MIER1: variants seen among roughly 807,000 people sequenced by gnomAD.
MIER1 encodes the protein mesoderm induction early response protein 1.
In MIER1, 40 loss-of-function variants were observed where a neutral mutation model predicts 75.7. The ratio of observed to expected loss-of-function variants is 0.53; its 90% CI spans 0.41 to 0.69. The LOEUF is 0.69. MIER1 is among the 30% of genes least tolerant of loss of function. The probability of loss-of-function intolerance (pLI) is 0.00; values close to 1 mark genes in which losing one functional copy is unlikely to be tolerated. For synonymous variants in MIER1, 213 were observed against 223.4 expected (o/e 0.95, Z 0.42); for missense variants, 574 against 680.2 (o/e 0.84, Z 1.74).
chr1:66,981,909 A>C lies in MIER1; in HGVS notation c.1360A>C (p.Asn454His). 1 of 1,613,748 alleles carries C rather than the reference A, an allele frequency of 6.2e-7. No homozygotes were observed. The highest frequency in any genetic ancestry group is 8.5e-7 in the Non-Finnish European group (1 of 1,179,782). Residue 454 changes from asparagine (N) to histidine (H), a missense_variant, in exon 13 of 14, where the codon AAT (asparagine) becomes CAT (histidine). Coordinates refer to ENST00000401041, the MANE Select transcript of MIER1 (RefSeq NM_001077700.3). ...EKEDGTVSTA[N>H]QNGVSSNGPG... is the part of the protein sequence containing the mutation. ...AGAAGATGGCACTGTAAGCACTGCT[A>C]ATCAAAATGGTAAGCAACCAGAGAA...
At position 66,986,221 on chromosome 1, in the gene MIER1, T is replaced by C. The variant is rs1666762291; in HGVS notation, c.*1321T>C. 1 of 1,267,614 alleles carries C rather than the reference T, an allele frequency of 7.9e-7. No homozygotes were observed. The highest frequency in any genetic ancestry group is 3.1e-5 in the East Asian group (1 of 32,542). The allele number at this position is 1,267,614 out of a possible 1,614,324, so 78.5% of individuals were successfully genotyped here. On this transcript the variant is annotated 3_prime_UTR_variant, in exon 14 of 14. Coordinates refer to ENST00000401041, the MANE Select transcript of MIER1 (RefSeq NM_001077700.3). ...ATGCTTTTCCAAAGTGAAAATAAGA[T>C]ACACAATAATCATTGCTCTGTGTGA...
intron 2 of MIER1, among the ~76,000 whole-genome samples, chr1:66,937,237 C>A (rs924100110): frequency 6.6e-6 from 1 of 151,996 alleles, no homozygotes; most frequent in Non-Finnish European, 1.5e-5. Flanking sequence ...GTGGGCAGGG[C>A]AGGTATTATT....
chr1:66,926,531 G>A (rs530810935), intron 2 of MIER1, among the ~76,000 whole-genome samples: 4 of 152,212 alleles, frequency 2.6e-5, no homozygotes, highest in Admixed American at 1.3e-4. Flanking sequence ...TTTTAGAGTG[G>A]CATTAATAAC....
At position 66,988,156 on chromosome 1, in the gene MIER1, C is replaced by T. The variant is rs1209854730; in HGVS notation, c.*3256C>T. The T allele has an allele frequency of 1.3e-5, 2 of 152,068 alleles. No individual in the cohort carries two copies. The highest frequency in any genetic ancestry group is 2.4e-5 in the African/African-American group (1 of 41,334). 9.4% of individuals were successfully genotyped at this position (152,068 alleles called of 1,614,324 possible). ...ACCAAATCAGATAGTAAGGTTTTCC[C>T]AACTATAATCCATATTCATGAAAAA... On this transcript the variant is annotated 3_prime_UTR_variant, in exon 14 of 14. Transcript: ENST00000401041.
intron 12 of MIER1, among the ~76,000 whole-genome samples, chr1:66,981,127 A>G (rs993601080): frequency 2.0e-5 from 3 of 152,222 alleles, no homozygotes; most frequent in Non-Finnish European, 4.4e-5. Flanking sequence ...GTGATACACT[A>G]AACCTGAGAG....
intron 12 of MIER1, among the ~76,000 whole-genome samples, chr1:66,978,958 G>T (rs1426931401): frequency 1.3e-5 from 2 of 152,084 alleles, no homozygotes; most frequent in African/African-American, 4.8e-5. Context: ...TATTCTTTAG[G>T]TAGAGTGGCC....
chr1:66,936,641 GTC>G (rs1654913283), intron 2 of MIER1, among the ~76,000 whole-genome samples: 1 of 152,042 alleles, frequency 6.6e-6, no homozygotes, highest in Non-Finnish European at 1.5e-5. Context: ...AGACTGATAA[GTC>G]TGACATGACA....
At chr1:66,927,757 C>CA (rs1652175500) in intron 2 of MIER1, among the ~76,000 whole-genome samples, 1 of 152,026 alleles carries the variant, frequency 6.6e-6, no homozygotes, top group African/African-American at 2.4e-5. Context: ...TATAGTGAGT[C>CA]ACTGGAGGGG....
intron 12 of MIER1, 74 bp downstream of exon 12, chr1:66,976,796 A>C (rs1664810362): frequency 7.9e-7 from 1 of 1,263,416 alleles, no homozygotes; most frequent in African/African-American, 1.5e-5. Context: ...TGAGTTAATT[A>C]TTATTTTGAT....
At chr1:66,970,755 C>G (rs1303668367) in intron 8 of MIER1, 53 bp from the exon 9 acceptor site, 1 of 1,352,962 alleles carries the variant, frequency 7.4e-7, no homozygotes, top group Non-Finnish European at 1.0e-6. Flanking sequence ...TGTTTTAACA[C>G]AAACTCTATC....
At chr1:66,925,360 C>G (rs1392465433) in intron 1 of MIER1, 19 of 985,434 alleles carry the variant, frequency 1.9e-5, no homozygotes, top group Non-Finnish European at 2.2e-5. Flanking sequence ...GTGGTGGCGC[C>G]GCGCTGGGAA....
rs1296080382 is a variant in MIER1 at position 66,985,635 on chromosome 1, G to A, written c.*735G>A. The A allele has an allele frequency of 4.1e-5, 40 of 984,582 alleles. No homozygotes were observed. Among genetic ancestry groups the A allele is most frequent in the Non-Finnish European group, 4.8e-5 (40 of 829,340 alleles). 61.0% of individuals were successfully genotyped at this position (984,582 alleles called of 1,614,324 possible). On this transcript the variant is annotated 3_prime_UTR_variant, in exon 14 of 14. Coordinates refer to ENST00000401041, the MANE Select transcript of MIER1 (RefSeq NM_001077700.3). ...AGCTGTCCTTTCTTAATACAAAAGC[G>A]TGTATAATTTTCTTAACTTGTACAG...
intron 1 of MIER1, chr1:66,925,405 C>G (rs1651361290): frequency 1.0e-6 from 1 of 985,374 alleles, no homozygotes; most frequent in Admixed American, 6.1e-5. Flanking sequence ...GCCCCGTTCG[C>G]TTCGGTCCCT....
intron 8 of MIER1, among the ~76,000 whole-genome samples, chr1:66,967,427 G>T (rs917362083): frequency 6.6e-6 from 1 of 152,174 alleles, no homozygotes; most frequent in African/African-American, 2.4e-5. Flanking sequence ...GTTAGGTAAT[G>T]TGATTCCTCC....
rs747364810 is a variant in MIER1 at position 66,963,174 on chromosome 1, A to G, written c.772+14A>G. The G allele has an allele frequency of 4.0e-6, 6 of 1,507,560 alleles. No homozygotes were observed. In the Admixed American group the frequency reaches 8.4e-5, roughly 21 times the overall value. The allele number at this position is 1,507,560 out of a possible 1,614,324, so 93.4% of individuals were successfully genotyped here. A position where few individuals can be genotyped will look rare whatever the true frequency, so the allele number is the denominator to read the frequency against. ...AAAATGAAAAAGGTGGGTTATTAGT[A>G]AAGTTACGTAGCTGAATTTATGCTT... On this transcript the variant is annotated intron_variant, in intron 8 of 13. Coordinates refer to ENST00000401041, the MANE Select transcript of MIER1 (RefSeq NM_001077700.3).
Position 66,972,961 on chromosome 1 carries a change from A to G in MIER1, c.1071A>G (p.Gly357=). The G allele has an allele frequency of 6.2e-7, 1 of 1,607,446 alleles. No individual in the cohort carries two copies. The highest frequency in any genetic ancestry group is 8.5e-7 in the Non-Finnish European group (1 of 1,174,314). ...TTGAACAAGGGCTGAAGGCCTATGG[A>G]AAGGATTTTCATTTGATTCAGGCTA... ...RNFEQGLKAY[G]KDFHLIQANK... is the part of the protein sequence containing the mutation. Residue 357 remains glycine, a synonymous_variant, in exon 11 of 14, where the codon GGA becomes GGG. Coordinates refer to ENST00000401041, the MANE Select transcript of MIER1 (RefSeq NM_001077700.3).
intron 4 of MIER1, among the ~76,000 whole-genome samples, chr1:66,948,834 GGCTGCAGTGAGCTATGATA>G (rs1224978151): frequency 1.3e-5 from 2 of 152,290 alleles, no homozygotes; most frequent in Non-Finnish European, 2.9e-5. Flanking sequence ...AGGAATCCAA[GGCTGCAGTGAGCTATGATA>G]GCACTGCTGC....
In MIER1 at chr1:66,976,618, A is replaced by G. The variant is rs1225176707; in HGVS notation, c.1125A>G (p.Glu375=). The G allele has an allele frequency of 1.9e-6, 3 of 1,601,514 alleles. No individual in the cohort carries two copies. ...AGGTCCGAACAAGGTCAGTTGGTGA[A>G]TGTGTAGCATTCTATTACATGTGGA... ...ANKVRTRSVG[E]CVAFYYMWKK... Residue 375 remains glutamate (E), a synonymous_variant, in exon 12 of 14, where the codon GAA becomes GAG. Coordinates refer to ENST00000401041, the MANE Select transcript of MIER1 (RefSeq NM_001077700.3).
rs762995700 is a variant in MIER1 at position 66,940,014 on chromosome 1, T to C, written c.169-14T>C. 2.5e-6 allele frequency: 4 copies of C among 1,599,674 alleles called. No homozygotes were observed. The highest frequency in any genetic ancestry group is 2.6e-6 in the Non-Finnish European group (3 of 1,167,790). On this transcript the variant is annotated splice_polypyrimidine_tract_variant and intron_variant, in intron 2 of 13. Transcript: ENST00000401041. ...ACAGAAATACTAATTTTTCCTCTTT[T>C]CTCCCCTTCTCAGCCATCTGTTGAA...
Sources: gnomAD v4.1 joint callset for allele counts (sites outside exome capture counted in the v4.1 genomes callset) on GRCh38, gnomAD v4.1.1 for gene constraint, MANE v1.5 for transcripts, NCBI Gene and HGNC (gene_info 2026-07-23, HGNC 2026-07-21) for gene names.